RHEX: variants seen among roughly 807,000 people sequenced by gnomAD.
RHEX encodes the protein regulator of hemoglobinization and erythroid cell expansion protein.
Under a neutral mutation model 20.1 loss-of-function variants are expected in RHEX, and 18 were observed. The ratio of observed to expected loss-of-function variants is 0.90; its 90% CI spans 0.62 to 1.33. RHEX has a LOEUF of 1.33. Among genes scored for constraint, RHEX ranks in the 40% most tolerant of loss-of-function variants. The pLI is 0.00. For missense variants in RHEX, 192 were observed against 214.3 expected (o/e 0.90, Z 0.65); for synonymous variants, 87 against 77.1 (o/e 1.13, Z -0.67).
chr1:206,096,464 C>T lies in RHEX; in HGVS notation c.-96-1269C>T, dbSNP rs576032328. On this transcript the variant is annotated intron_variant, in intron 1 of 5. Transcript: ENST00000331555. ...CCTTCCACAATTTTCATTTCTTTCA[C>T]GATACAATAAAGCTCTTCTGGTAAA... is the stretch of plus-strand genomic sequence containing the variant. Among the ~76,000 whole-genome samples the T allele has an allele frequency of 3.3e-5, 5 of 152,366 alleles. No homozygotes were observed. In the East Asian group the frequency reaches 5.8e-4, roughly 18 times the overall value.
intron 1 of RHEX, among the ~76,000 whole-genome samples, chr1:206,057,039 A>G (rs1314862794): frequency 1.3e-5 from 2 of 152,248 alleles, no homozygotes; most frequent in East Asian, 1.9e-4. Context: ...AACATTAGGC[A>G]TTGATGGAAA....
At chr1:206,088,110 T>A (rs1553286596) in intron 1 of RHEX, among the ~76,000 whole-genome samples, 2 of 152,096 alleles carry the variant, frequency 1.3e-5, no homozygotes, top group Admixed American at 6.5e-5. Context: ...GAAAAATTTT[T>A]AATTTATTTT....
intron 1 of RHEX, among the ~76,000 whole-genome samples, chr1:206,072,858 G>T (rs1553284819): frequency 6.9e-6 from 1 of 145,156 alleles, no homozygotes. Flanking sequence ...TTGAGACAGG[G>T]TCTCGCTCTG....
chr1:206,078,991 A>AT lies in RHEX; in HGVS notation c.-96-18741dup, dbSNP rs1388194356. ...GAAGTAATAATGATAACAATAATAA[A>AT]TGATCTGAATTTGAATCCTGATTCT... On this transcript the variant is annotated intron_variant, in intron 1 of 5. Coordinates refer to ENST00000331555, the MANE Select transcript of RHEX (RefSeq NM_001007544.4). Among the ~76,000 whole-genome samples, 5 of 152,316 alleles carry AT rather than the reference A, an allele frequency of 3.3e-5. No homozygotes were observed. The East Asian group carries it at 9.6e-4, about 29-fold the overall frequency.
intron 1 of RHEX, among the ~76,000 whole-genome samples, chr1:206,072,482 A>G (rs1553284762): frequency 6.6e-6 from 1 of 152,154 alleles, no homozygotes; most frequent in Non-Finnish European, 1.5e-5. Flanking sequence ...AGGCTGAGGC[A>G]GGAGAATAGC....
chr1:206,095,644 C>T (rs1223302673), intron 1 of RHEX, among the ~76,000 whole-genome samples: 2 of 152,058 alleles, frequency 1.3e-5, no homozygotes, highest in Admixed American at 1.3e-4. Context: ...TGGAGAAACC[C>T]CGTCTCTACT....
At position 206,067,822 on chromosome 1, in the gene RHEX, C is replaced by T. The variant is rs1662457442; in HGVS notation, c.-97+14557C>T. Among the ~76,000 whole-genome samples the T allele has an allele frequency of 6.6e-6, 1 of 152,208 alleles. No individual in the cohort carries two copies. Among genetic ancestry groups the T allele is most frequent in the South Asian group, 2.1e-4 (1 of 4,832 alleles). ...TGCAACATATTCTCCCTGTAATGAG[C>T]TTGCTTTCTTTAACTCACTACTGTC... On this transcript the variant is annotated intron_variant, in intron 1 of 5. Transcript: ENST00000331555. The surrounding 1 kb of genome is among the most constrained non-coding windows in gnomAD (Gnocchi z 4.6).
At chr1:206,085,103 G>A (rs1160677038) in intron 1 of RHEX, among the ~76,000 whole-genome samples, 1 of 152,088 alleles carries the variant, frequency 6.6e-6, no homozygotes, top group African/African-American at 2.4e-5. Flanking sequence ...TGGAAAATAA[G>A]TCAAATAAAG....
chr1:206,089,531 G>T (rs1662905773), intron 1 of RHEX, among the ~76,000 whole-genome samples: 1 of 151,856 alleles, frequency 6.6e-6, no homozygotes, highest in South Asian at 2.1e-4. Context: ...TCTTTAGATT[G>T]CTTCCCATTT....
In RHEX at chr1:206,091,328, C is replaced by T. The variant is rs114979375; in HGVS notation, c.-96-6405C>T. On this transcript the variant is annotated intron_variant, in intron 1 of 5. Transcript: ENST00000331555. ...TCCAGAAATTATAACTTCTAGTACT[C>T]ATTTCGGATAAGGGTTGCAGCATAC... Among the ~76,000 whole-genome samples, 125 of 152,266 alleles carry T rather than the reference C, an allele frequency of 8.2e-4. 1 individual carries two copies. Among genetic ancestry groups the T allele is most frequent in the African/African-American group, 2.9e-3 (121 of 41,546 alleles).
Position 206,083,311 on chromosome 1 carries a change from C to T in RHEX, c.-96-14422C>T, listed in dbSNP as rs28417692. Among the ~76,000 whole-genome samples, 775 of 152,200 alleles carry T rather than the reference C, an allele frequency of 5.1e-3. 7 individuals are homozygous for T. Among genetic ancestry groups the T allele is most frequent in the African/African-American group, 0.017 (721 of 41,520 alleles). ...GTGCTCTTTCCACTCTACCTGGCTG[C>T]GTGTGTATTTGTGGTATCTAAATGT... On this transcript the variant is annotated intron_variant, in intron 1 of 5. Transcript: ENST00000331555.
At position 206,094,673 on chromosome 1, in the gene RHEX, C is replaced by T. The variant is rs145908050; in HGVS notation, c.-96-3060C>T. Among the ~76,000 whole-genome samples the T allele has an allele frequency of 1.8e-3, 276 of 152,204 alleles. 1 individual carries two copies. Among genetic ancestry groups the T allele is most frequent in the African/African-American group, 5.7e-3 (237 of 41,536 alleles). On this transcript the variant is annotated intron_variant, in intron 1 of 5. Transcript: ENST00000331555. The stretch of plus-strand genomic sequence containing the variant: ...GAAATTAGTATTTAAGAATGTTGGA[C>T]GTCCGTATTATTTACTGTTTTCATT...
chr1:206,063,865 G>T (rs1165958336), intron 1 of RHEX, among the ~76,000 whole-genome samples: 1 of 151,600 alleles, frequency 6.6e-6, no homozygotes. Flanking sequence ...CGTCTGGGAT[G>T]TGAGGAGCCC....
chr1:206,096,363 G>A (rs782428579), intron 1 of RHEX, among the ~76,000 whole-genome samples: 3 of 152,234 alleles, frequency 2.0e-5, no homozygotes, highest in Non-Finnish European at 4.4e-5. Context: ...TTAGACAATC[G>A]ATACTAAAGC....
chr1:206,089,160 C>G (rs1662897245), intron 1 of RHEX, among the ~76,000 whole-genome samples: 1 of 151,936 alleles, frequency 6.6e-6, no homozygotes, highest in Admixed American at 6.6e-5. Flanking sequence ...TTTGCTTCAG[C>G]CTCAAAGAGA....
intron 1 of RHEX, among the ~76,000 whole-genome samples, chr1:206,074,614 CATCACCCCTAA>C (rs1252167084): frequency 1.3e-5 from 2 of 152,180 alleles, no homozygotes; most frequent in Non-Finnish European, 2.9e-5. Context: ...AGGCCATTTT[CATCACCCCTAA>C]AGGAAACCCT....
At chr1:206,075,491 G>C (rs947712711) in intron 1 of RHEX, among the ~76,000 whole-genome samples, 1 of 152,114 alleles carries the variant, frequency 6.6e-6, no homozygotes, top group Non-Finnish European at 1.5e-5. Flanking sequence ...TAAAGATACA[G>C]CATTAAATTT....
intron 1 of RHEX, among the ~76,000 whole-genome samples, chr1:206,065,145 G>A (rs1374594990): frequency 1.3e-5 from 2 of 152,158 alleles, no homozygotes; most frequent in Non-Finnish European, 2.9e-5. Flanking sequence ...GCTGCGGAAG[G>A]CCGCAGGGTC....
intron 1 of RHEX, among the ~76,000 whole-genome samples, chr1:206,059,028 C>A (rs1189848850): frequency 6.6e-6 from 1 of 152,072 alleles, no homozygotes; most frequent in Non-Finnish European, 1.5e-5. Flanking sequence ...GGATAGACAC[C>A]CTCATGCTAT....
Sources: allele counts gnomAD v4.1 joint callset (sites outside exome capture counted in the v4.1 genomes callset), GRCh38; gene constraint gnomAD v4.1.1; non-coding constraint Gnocchi (gnomAD v3.1); transcripts MANE v1.5; gene names NCBI Gene and HGNC (gene_info 2026-07-23, HGNC 2026-07-21).